Variants in PTPRN2 observed in about 807,000 individuals in gnomAD.
PTPRN2 encodes the protein protein tyrosine phosphatase receptor type N2.
Under a neutral mutation model 118.8 loss-of-function variants are expected in PTPRN2, and 74 were observed. The observed-to-expected ratio is 0.62, with a 90% CI of 0.52 to 0.76. The LOEUF (loss-of-function observed/expected upper bound fraction) is 0.76. Among genes scored for constraint, PTPRN2 ranks in the 30% least tolerant of loss-of-function variants. The probability of loss-of-function intolerance (pLI) is 0.00; values close to 1 mark genes in which losing one functional copy is unlikely to be tolerated. For synonymous variants in PTPRN2, 641 were observed against 608.0 expected (o/e 1.05, Z -0.80); for missense variants, 1,481 against 1,394.4 (o/e 1.06, Z -0.99).
chr7:157,918,597 G>T (rs185735608), intron 11 of PTPRN2, among the ~76,000 whole-genome samples: 52 of 152,164 alleles, frequency 3.4e-4, no homozygotes, highest in Admixed American at 1.4e-3. Context: ...ACAAACTGAC[G>T]CGGCCGGGAA....
intron 12 of PTPRN2, among the ~76,000 whole-genome samples, chr7:157,737,761 G>A (rs1187050888): frequency 6.6e-6 from 1 of 152,244 alleles, no homozygotes; most frequent in African/African-American, 2.4e-5. Flanking sequence ...CGGCTGGGGC[G>A]CCAGCCACCA....
chr7:158,428,129 A>G (rs567956701), intron 2 of PTPRN2, among the ~76,000 whole-genome samples: 1 of 152,380 alleles, frequency 6.6e-6, no homozygotes, highest in Non-Finnish European at 1.5e-5. Context: ...TGATGAAACC[A>G]ACAAGCCAAT....
rs1242238285 is a variant in PTPRN2, at chr7:157,801,962, G to A, written c.1788+96711C>T. 6.6e-6 allele frequency among the ~76,000 whole-genome samples: 1 copy of A among 152,176 alleles called. No homozygotes were observed. Among genetic ancestry groups the A allele is most frequent in the Non-Finnish European group, 1.5e-5 (1 of 68,040 alleles). ...TTGGGTGGGCCGCACGCTCTGGGGCGGCTCCTGACCTTTTCTGGCTTGTGG... is the reference window on the plus strand; with the variant it reads ...TTGGGTGGGCCGCACGCTCTGGGGCAGCTCCTGACCTTTTCTGGCTTGTGG... On this transcript the variant is annotated intron_variant, in intron 12 of 22. Coordinates refer to ENST00000389418, the MANE Select transcript of PTPRN2 (RefSeq NM_002847.5). The surrounding 1 kb of genome is among the most constrained non-coding windows in gnomAD (Gnocchi z 4.2).
chr7:158,282,178 CTTT>C (rs5888743), intron 3 of PTPRN2, among the ~76,000 whole-genome samples: 8 of 142,120 alleles, frequency 5.6e-5, no homozygotes, highest in Admixed American at 2.8e-4. Flanking sequence ...GTGGCTCTGC[CTTT>C]TTTTTTTTTT....
rs557989962 is a variant in PTPRN2, at chr7:158,091,738, G to A, written c.1644-10361C>T. Among the ~76,000 whole-genome samples, 14 of 150,374 alleles carry A rather than the reference G, an allele frequency of 9.3e-5. 1 individual carries two copies. The highest frequency in any genetic ancestry group is 3.4e-4 in the African/African-American group (14 of 40,806). ...TGAGCAGAGAGATGGTTGGGTGGGT[G>A]GGTGAAAGATAGGTGATGGATGGGT... is the stretch of plus-strand genomic sequence containing the variant. On this transcript the variant is annotated intron_variant, in intron 10 of 22. Coordinates refer to ENST00000389418, the MANE Select transcript of PTPRN2 (RefSeq NM_002847.5).
chr7:158,514,632 A>G (rs1445756368), intron 1 of PTPRN2, among the ~76,000 whole-genome samples: 1 of 152,168 alleles, frequency 6.6e-6, no homozygotes, highest in Admixed American at 6.6e-5. Flanking sequence ...CGGGTGCGTC[A>G]AAGAGAAACA....
At chr7:157,777,250 C>T (rs898895108) in intron 12 of PTPRN2, among the ~76,000 whole-genome samples, 3 of 152,218 alleles carry the variant, frequency 2.0e-5, no homozygotes, top group African/African-American at 4.8e-5. Flanking sequence ...ACAAGAAACA[C>T]ATACAAGTGG....
intron 12 of PTPRN2, among the ~76,000 whole-genome samples, chr7:157,717,738 C>T (rs1799000186): frequency 6.6e-6 from 1 of 152,264 alleles, no homozygotes; most frequent in African/African-American, 2.4e-5. Flanking sequence ...GGGCACGCAG[C>T]AGGCACATCC....
chr7:157,880,069 G>A (rs1444163681), intron 12 of PTPRN2, among the ~76,000 whole-genome samples: 1 of 152,198 alleles, frequency 6.6e-6, no homozygotes, highest in Non-Finnish European at 1.5e-5. Flanking sequence ...GAAAATGACA[G>A]CTTCCGCTTA....
intron 4 of PTPRN2, 105 bp downstream of exon 4, chr7:158,205,066 G>T: frequency 1.0e-6 from 1 of 971,298 alleles, no homozygotes; most frequent in Admixed American, 2.1e-5. Context: ...CAGAAAGATG[G>T]TGGGTGCTTT....
At chr7:157,720,477 G>T (rs1238859253) in intron 12 of PTPRN2, among the ~76,000 whole-genome samples, 1 of 152,236 alleles carries the variant, frequency 6.6e-6, no homozygotes. Flanking sequence ...CGGGTCAAGG[G>T]CAAATCCCAG....
intron 11 of PTPRN2, among the ~76,000 whole-genome samples, chr7:157,906,910 C>T (rs931184953): frequency 6.6e-6 from 1 of 152,142 alleles, no homozygotes; most frequent in African/African-American, 2.4e-5. Flanking sequence ...GGTTCTGGGA[C>T]CTCTAACATG....
At chr7:157,834,252 T>C (rs1584819008) in intron 12 of PTPRN2, among the ~76,000 whole-genome samples, 1 of 128,440 alleles carries the variant, frequency 7.8e-6, no homozygotes, top group East Asian at 2.5e-4. Context: ...ATCCATCAAT[T>C]CCACCCACCA....
chr7:157,777,736 C>T (rs571848151), intron 12 of PTPRN2, among the ~76,000 whole-genome samples: 1 of 152,356 alleles, frequency 6.6e-6, no homozygotes, highest in East Asian at 1.9e-4. Flanking sequence ...GTGGGAAGGG[C>T]AGGCTCGCTC....
chr7:157,673,552 T>C (rs1796513324), intron 13 of PTPRN2, among the ~76,000 whole-genome samples: 1 of 151,738 alleles, frequency 6.6e-6, no homozygotes, highest in Admixed American at 6.6e-5. Context: ...TAGCTAGCTG[T>C]CTGCCCCTGG....
At chr7:157,732,521 GC>G (rs1432460272) in intron 12 of PTPRN2, among the ~76,000 whole-genome samples, 1 of 17,614 alleles carries the variant, frequency 5.7e-5, no homozygotes, top group Non-Finnish European at 1.2e-4. Context: ...CCCGTCCCAT[GC>G]GCCCAGCACA....
At chr7:158,319,558 G>A (rs56188120) in intron 2 of PTPRN2, among the ~76,000 whole-genome samples, 50 of 10,168 alleles carry the variant, frequency 4.9e-3, no homozygotes, top group East Asian at 0.015. Context: ...CACACACACG[G>A]TCTCCCTCAC....
intron 3 of PTPRN2, among the ~76,000 whole-genome samples, chr7:158,275,664 GT>G (rs762924304): frequency 9.2e-5 from 14 of 152,186 alleles, no homozygotes; most frequent in Non-Finnish European, 1.9e-4. Flanking sequence ...AGTAATTTTT[GT>G]TCTTTGGTGA....
chr7:158,313,138 G>A (rs540836572), intron 3 of PTPRN2, among the ~76,000 whole-genome samples: 22 of 152,254 alleles, frequency 1.4e-4, no homozygotes, highest in Admixed American at 5.2e-4. Flanking sequence ...GTGTCTACAC[G>A]TGAGCATGTG....
Sources: allele counts gnomAD v4.1 joint callset (sites outside exome capture counted in the v4.1 genomes callset), GRCh38; gene constraint gnomAD v4.1.1; non-coding constraint Gnocchi (gnomAD v3.1); transcripts MANE v1.5; gene names NCBI Gene and HGNC (gene_info 2026-07-23, HGNC 2026-07-21).